AMPH: variants seen among roughly 807,000 people sequenced by gnomAD.
AMPH encodes amphiphysin (Stiff-Mann syndrome with breast cancer 128kD autoantigen).
A neutral mutation model predicts 99.1 loss-of-function variants in AMPH; 49 were observed. That is an observed-to-expected ratio of 0.49 (90% CI 0.39 to 0.63). AMPH has a LOEUF of 0.63. Among genes scored for constraint, AMPH ranks in the 20% least tolerant of loss-of-function variants. AMPH has a pLI of 0.00. For synonymous variants in AMPH, 314 were observed against 317.3 expected (o/e 0.99, Z 0.11); for missense variants, 759 against 863.4 (o/e 0.88, Z 1.52).
chr7:38,493,169 G>A (rs55873909), intron 4 of AMPH, among the ~76,000 whole-genome samples: 3,936 of 152,224 alleles, frequency 0.026, 73 homozygotes, highest in Admixed American at 0.054. Context: ...CACTGTTAAC[G>A]CAGGTTTTCC....
At chr7:38,629,269 CAGAA>C (rs1396483224) in intron 1 of AMPH, among the ~76,000 whole-genome samples, 2 of 152,146 alleles carry the variant, frequency 1.3e-5, no homozygotes, top group African/African-American at 4.8e-5. Context: ...TACACAGACT[CAGAA>C]AGGGGGGCAG....
At chr7:38,613,580 G>A (rs528781860) in intron 1 of AMPH, among the ~76,000 whole-genome samples, 5 of 152,232 alleles carry the variant, frequency 3.3e-5, no homozygotes, top group Admixed American at 2.0e-4. Context: ...TTTCTCCACC[G>A]TGCCTGAATC....
At chr7:38,467,192 T>G (rs1341400831) in intron 7 of AMPH, among the ~76,000 whole-genome samples, 2 of 152,202 alleles carry the variant, frequency 1.3e-5, no homozygotes, top group African/African-American at 4.8e-5. Flanking sequence ...AGCAGATGGT[T>G]CTCTGGGGCA....
At chr7:38,585,886 T>C (rs1047639615) in intron 1 of AMPH, among the ~76,000 whole-genome samples, 1 of 152,244 alleles carries the variant, frequency 6.6e-6, no homozygotes, top group South Asian at 2.1e-4. Context: ...CACAGAAGAT[T>C]TCATTTACAT....
intron 18 of AMPH, 152 bp from the exon 19 acceptor site, chr7:38,392,169 T>A (rs80249689): frequency 0.064 from 45,353 of 706,814 alleles, 1,831 homozygotes; most frequent in East Asian, 0.12. Flanking sequence ...CCTTCCGCTG[T>A]GCCACACAGC....
intron 17 of AMPH, among the ~76,000 whole-genome samples, chr7:38,408,434 G>T (rs1408333787): frequency 6.6e-6 from 1 of 152,066 alleles, no homozygotes; most frequent in African/African-American, 2.4e-5. Flanking sequence ...ACAATAAAAA[G>T]ATATCAAGAA....
At chr7:38,391,338 T>C (rs2128974300) in intron 19 of AMPH, among the ~76,000 whole-genome samples, 1 of 152,324 alleles carries the variant, frequency 6.6e-6, no homozygotes, top group South Asian at 2.1e-4. Context: ...CTCTGTGTCA[T>C]GCACCCTACA....
rs144778383 is a variant in AMPH at position 38,552,813 on chromosome 7, T to G, written c.70-17802A>C. 3.5e-3 allele frequency among the ~76,000 whole-genome samples: 540 copies of G among 152,320 alleles called. 2 individuals carry two copies. The highest frequency in any genetic ancestry group is 0.012 in the African/African-American group (501 of 41,582). On this transcript the variant is annotated intron_variant, in intron 1 of 20. Transcript: ENST00000356264. ...GCTAAAGTTTTCTCATCTCCTCCTC[T>G]TCTCTTTCTCTATCGCTCTTTCATG...
chr7:38,602,587 C>T (rs1255823662), intron 1 of AMPH, among the ~76,000 whole-genome samples: 3 of 152,176 alleles, frequency 2.0e-5, no homozygotes, highest in Non-Finnish European at 4.4e-5. Flanking sequence ...ATAGCAATCC[C>T]TGTGGTTACA....
chr7:38,408,615 G>A (rs1427410561), intron 17 of AMPH, among the ~76,000 whole-genome samples: 1 of 151,974 alleles, frequency 6.6e-6, no homozygotes, highest in Non-Finnish European at 1.5e-5. Context: ...CAACGGCGTG[G>A]TGGTGGGTGC....
At chr7:38,435,254 T>C (rs1403449842) in intron 12 of AMPH, among the ~76,000 whole-genome samples, 19 of 152,216 alleles carry the variant, frequency 1.2e-4, no homozygotes, top group Admixed American at 1.2e-3. Flanking sequence ...GGAAAGCCTT[T>C]AGAAGCCCAA....
In AMPH at chr7:38,478,425, A is replaced by G. The variant is rs73692397; in HGVS notation, c.397-1456T>C. Among the ~76,000 whole-genome samples the G allele has an allele frequency of 3.6e-3, 549 of 152,266 alleles. 6 individuals carry two copies. The highest frequency in any genetic ancestry group is 0.012 in the African/African-American group (515 of 41,564). On this transcript the variant is annotated intron_variant, in intron 5 of 20. Transcript: ENST00000356264. ...TAACAATAGCAAAAATAAAGACCCA[A>G]TGCAGCTCAGGTCCTGATTAATTGA...
At chr7:38,621,070 T>TA (rs1794041646) in intron 1 of AMPH, among the ~76,000 whole-genome samples, 1 of 152,058 alleles carries the variant, frequency 6.6e-6, no homozygotes, top group Non-Finnish European at 1.5e-5. Context: ...GCTCAAGGAG[T>TA]AAGGACAAAG....
intron 1 of AMPH, among the ~76,000 whole-genome samples, chr7:38,539,294 CA>C (rs1391017664): frequency 6.6e-6 from 1 of 152,138 alleles, no homozygotes; most frequent in Non-Finnish European, 1.5e-5. Flanking sequence ...AGTCAGAAAA[CA>C]GATCACAGTA....
chr7:38,393,401 G>A (rs1487327134), intron 18 of AMPH, among the ~76,000 whole-genome samples: 1 of 152,140 alleles, frequency 6.6e-6, no homozygotes, highest in Admixed American at 6.5e-5. Context: ...TGGGGTTGGA[G>A]GCCCTCGCAG....
chr7:38,604,254 C>G (rs1793353669), intron 1 of AMPH, among the ~76,000 whole-genome samples: 4 of 152,214 alleles, frequency 2.6e-5, no homozygotes, highest in Admixed American at 2.6e-4. Flanking sequence ...TGCATAGCAA[C>G]AGATCTAGAA....
intron 11 of AMPH, among the ~76,000 whole-genome samples, chr7:38,457,956 A>G (rs1391307529): frequency 6.6e-6 from 1 of 152,184 alleles, no homozygotes; most frequent in Non-Finnish European, 1.5e-5. Flanking sequence ...TATGTCACAT[A>G]TATATGTCAT....
At chr7:38,421,149 T>C in intron 16 of AMPH, 1 of 441,044 alleles carries the variant, frequency 2.3e-6, no homozygotes, top group Non-Finnish European at 4.6e-6. Flanking sequence ...AAGACAAGCA[T>C]GGAAGCTCCT....
At chr7:38,388,570 C>A (rs751950047) in intron 20 of AMPH, among the ~76,000 whole-genome samples, 62 of 150,530 alleles carry the variant, frequency 4.1e-4, no homozygotes, top group Non-Finnish European at 7.1e-4. Context: ...TTTATTTGAC[C>A]CATGGGTTAT....
Sources: gnomAD v4.1 joint callset for allele counts (sites outside exome capture counted in the v4.1 genomes callset) on GRCh38, gnomAD v4.1.1 for gene constraint, MANE v1.5 for transcripts, NCBI Gene and HGNC (gene_info 2026-07-23, HGNC 2026-07-21) for gene names.